AMDHD1: variants seen among roughly 807,000 people sequenced by gnomAD.
AMDHD1 encodes probable imidazolonepropionase.
AMDHD1 carries 45 observed loss-of-function variants against 44.1 expected under a neutral mutation model. That is an observed-to-expected ratio of 1.02 (90% CI 0.80 to 1.31). The LOEUF is 1.31. AMDHD1 is among the 50% of genes most tolerant of loss of function. The pLI is 0.00. For synonymous variants in AMDHD1, 206 were observed against 205.0 expected, an observed-to-expected ratio of 1.00 and a Z score of -0.04; for missense variants, 586 against 552.1, an observed-to-expected ratio of 1.06 and a Z score of -0.61.
intron 2 of AMDHD1, 68 bp from the exon 3 acceptor site, chr12:95,954,843 G>A: frequency 6.9e-7 from 1 of 1,453,924 alleles, no homozygotes; most frequent in Non-Finnish European, 9.6e-7. Flanking sequence ...GTATAGTGCT[G>A]CTGTTTGCCT....
intron 4 of AMDHD1, among the ~76,000 whole-genome samples, chr12:95,958,381 T>G (rs1455111835): frequency 6.6e-6 from 1 of 152,168 alleles, no homozygotes; most frequent in African/African-American, 2.4e-5. Flanking sequence ...TTAACAAAAC[T>G]AGTTGTGTAG....
intron 8 of AMDHD1, 125 bp downstream of exon 8, chr12:95,966,633 C>T: frequency 2.4e-6 from 3 of 1,225,722 alleles, no homozygotes; most frequent in Admixed American, 1.9e-5. Context: ...ATCCAGTCCC[C>T]TCTATCTTGA....
intron 4 of AMDHD1, among the ~76,000 whole-genome samples, chr12:95,959,795 T>C (rs2080571205): frequency 7.3e-6 from 1 of 136,114 alleles, no homozygotes; most frequent in South Asian, 2.5e-4. Context: ...TTATGCTTTT[T>C]TTTTTTTTTT....
chr12:95,954,785 C>T, intron 2 of AMDHD1, 126 bp from the exon 3 acceptor site: 1 of 761,734 alleles, frequency 1.3e-6, no homozygotes, highest in South Asian at 1.9e-5. Context: ...TCCTTTCATG[C>T]TCCTCCAAAA....
chr12:95,966,406 C>A lies in AMDHD1; in HGVS notation c.1091C>A (p.Ala364Asp). 6.2e-7 allele frequency: 1 copy of A among 1,614,246 alleles called. No individual in the cohort carries two copies. ...NMRMSMPEALAAATINAAYAL... is the reference protein window; with the variant it reads ...NMRMSMPEALDAATINAAYAL... ...AGAATGTCCATGCCTGAGGCCTTGG[C>A]CGCTGCCACCATCAATGCAGCTTAT... The change falls in exon 8 of 9, where the codon GCC becomes GAC. Residue 364 changes from alanine (A) to aspartate (D), a missense_variant. Transcript: ENST00000266736.
intron 1 of AMDHD1, among the ~76,000 whole-genome samples, chr12:95,951,748 T>C (rs747752475): frequency 1.3e-5 from 2 of 152,236 alleles, no homozygotes; most frequent in African/African-American, 2.4e-5. Flanking sequence ...GCATTTTTTA[T>C]TGCCTGTCTT....
chr12:95,963,897 C>T (rs915747844), intron 6 of AMDHD1, among the ~76,000 whole-genome samples: 4 of 151,938 alleles, frequency 2.6e-5, no homozygotes, highest in South Asian at 2.1e-4. Context: ...GGCATGGTGG[C>T]GCGCGCCTGT....
chr12:95,964,928 C>CAAAAAAAAAAAAAAAAAAAAAA (rs60076877), intron 6 of AMDHD1, among the ~76,000 whole-genome samples: 3 of 35,828 alleles, frequency 8.4e-5, no homozygotes, highest in African/African-American at 2.7e-4. Context: ...ATGTTTGAGG[C>CAAAAAAAAAAAAAAAAAAAAAA]AAAAAAAAAA....
In AMDHD1 at chr12:95,943,516, G is replaced by A; in HGVS notation, c.118G>A (p.Ala40Thr). The change falls in exon 1 of 9, where the codon GCC (alanine) becomes ACC (threonine). Residue 40 changes from alanine to threonine, a missense_variant. By Grantham distance (58) the Ala-to-Thr change is moderately conservative. Transcript: ENST00000266736. ...GCGCAGCCTGGCGGTGCTGGAAGGC[G>A]CCAGCCTGGTGGTGGGCAAGTAAGT... ...ALRSLAVLEG[A>T]SLVVGKDGFI... The A allele has an allele frequency of 6.7e-7, 1 of 1,482,842 alleles. No individual in the cohort carries two copies. The allele number at this position is 1,482,842 out of a possible 1,614,324, so 91.9% of individuals were successfully genotyped here. A position where few individuals can be genotyped will look rare whatever the true frequency, so the allele number is the denominator to read the frequency against.
At position 95,956,772 on chromosome 12, in the gene AMDHD1, G is replaced by A; in HGVS notation, c.397G>A (p.Glu133Lys). The change falls in exon 4 of 9, where the codon GAG (glutamate) becomes AAG (lysine). Residue 133 changes from glutamate to lysine, a missense_variant. Transcript: ENST00000266736. ...VERTRQATEE[E>K]LFRSLQQRLQ... ...GCGCACGCGCCAAGCCACAGAGGAG[G>A]AGCTGTTCCGCTCCTTGCAGCAACG... The A allele has an allele frequency of 6.2e-7, 1 of 1,614,206 alleles. No homozygotes were observed. The highest frequency in any genetic ancestry group is 1.7e-5 in the Admixed American group (1 of 60,030).
rs536881107 is a variant in AMDHD1 at position 95,968,471 on chromosome 12, G to A, written c.*628G>A. 1 of 152,254 alleles carries A rather than the reference G, an allele frequency of 6.6e-6. No individual in the cohort carries two copies. Among genetic ancestry groups the A allele is most frequent in the Non-Finnish European group, 1.5e-5 (1 of 68,024 alleles). 9.4% of individuals were successfully genotyped at this position (152,254 alleles called of 1,614,324 possible). The stretch of plus-strand genomic sequence containing the variant: ...GCACAGGGGCCTTCCTGAAATGGGT[G>A]CATTTTTACCAACTACAATCATGTA... On this transcript the variant is annotated 3_prime_UTR_variant, in exon 9 of 9. Transcript: ENST00000266736.
intron 6 of AMDHD1, 47 bp from the exon 7 acceptor site, chr12:95,965,639 C>A: frequency 1.5e-6 from 2 of 1,348,390 alleles, no homozygotes; most frequent in Admixed American, 1.9e-5. Context: ...AGCTATTCTA[C>A]AAAAGCTCCC....
chr12:95,946,462 C>T (rs986292164), intron 1 of AMDHD1, among the ~76,000 whole-genome samples: 1 of 151,946 alleles, frequency 6.6e-6, no homozygotes, highest in Non-Finnish European at 1.5e-5. Context: ...TGGTTCAGAC[C>T]TCAAAGAGCT....
At chr12:95,945,827 T>C (rs2080492863) in intron 1 of AMDHD1, among the ~76,000 whole-genome samples, 1 of 152,046 alleles carries the variant, frequency 6.6e-6, no homozygotes, top group Non-Finnish European at 1.5e-5. Flanking sequence ...TGGTGTGTCC[T>C]GATTAGAATG....
chr12:95,965,879 T>A, intron 7 of AMDHD1, 100 bp downstream of exon 7: 1 of 838,294 alleles, frequency 1.2e-6, no homozygotes, highest in Non-Finnish European at 1.7e-6. Flanking sequence ...ATAAAAAATC[T>A]AAAAATATTT....
chr12:95,967,269 G>C (rs2080616330), intron 8 of AMDHD1, among the ~76,000 whole-genome samples: 3 of 152,134 alleles, frequency 2.0e-5, no homozygotes, highest in Admixed American at 2.0e-4. Flanking sequence ...CTCCCACTGG[G>C]TCCCTCCCAC....
At chr12:95,948,479 G>A (rs1204785597) in intron 1 of AMDHD1, among the ~76,000 whole-genome samples, 3 of 75,686 alleles carry the variant, frequency 4.0e-5, no homozygotes, top group African/African-American at 1.1e-4. Flanking sequence ...CGCCCCGTCC[G>A]GGAGGGAGGT....
At chr12:95,959,065 GAA>G (rs11322266) in intron 4 of AMDHD1, among the ~76,000 whole-genome samples, 1 of 149,476 alleles carries the variant, frequency 6.7e-6, no homozygotes, top group African/African-American at 2.4e-5. Flanking sequence ...CAAAAAAGAA[GAA>G]AAAAAAAAGA....
At chr12:95,946,243 C>T (rs1316959157) in intron 1 of AMDHD1, among the ~76,000 whole-genome samples, 1 of 152,074 alleles carries the variant, frequency 6.6e-6, no homozygotes. Flanking sequence ...GATTCATACA[C>T]AAGGACCATT....
Sources: allele counts gnomAD v4.1 joint callset (sites outside exome capture counted in the v4.1 genomes callset), GRCh38; gene constraint gnomAD v4.1.1; transcripts MANE v1.5; gene names NCBI Gene and HGNC (gene_info 2026-07-23, HGNC 2026-07-21).